Variants in ADCY8 observed in about 807,000 individuals in gnomAD.
ADCY8 encodes adenylate cyclase 8.
A neutral mutation model predicts 119.7 loss-of-function variants in ADCY8; 51 were observed. That is an observed-to-expected ratio of 0.43 (90% CI 0.34 to 0.54). The LOEUF is 0.54. ADCY8 is among the 20% of genes least tolerant of loss of function. The probability of loss-of-function intolerance (pLI) is 0.03; values close to 1 mark genes in which losing one functional copy is unlikely to be tolerated. For missense variants in ADCY8, 1,383 were observed against 1,598.8 expected, an observed-to-expected ratio of 0.87 and a Z score of 2.30; for synonymous variants, 665 against 651.0, an observed-to-expected ratio of 1.02 and a Z score of -0.33.
intron 1 of ADCY8, among the ~76,000 whole-genome samples, chr8:131,020,113 C>T (rs1247206414): frequency 1.3e-5 from 2 of 152,010 alleles, no homozygotes; most frequent in Non-Finnish European, 2.9e-5. Context: ...TGAAGATTAC[C>T]ACTACCTGAG....
chr8:131,028,434 T>G (rs911875452), intron 1 of ADCY8, among the ~76,000 whole-genome samples: 2 of 152,144 alleles, frequency 1.3e-5, no homozygotes, highest in Non-Finnish European at 2.9e-5. Flanking sequence ...TCAAATGAAC[T>G]ACCCGCCTCC....
At chr8:130,854,934 C>T (rs1318483912) in intron 9 of ADCY8, among the ~76,000 whole-genome samples, 1 of 146,780 alleles carries the variant, frequency 6.8e-6, no homozygotes, top group Admixed American at 6.8e-5. Context: ...TCTGCCTCCC[C>T]CTCTCTCTTT....
chr8:130,942,869 G>A (rs901799891), intron 4 of ADCY8, among the ~76,000 whole-genome samples: 1 of 152,220 alleles, frequency 6.6e-6, no homozygotes, highest in African/African-American at 2.4e-5. Context: ...TGAAGGTACT[G>A]TCTTGTTGGC....
At chr8:130,818,968 A>G (rs191835590) in intron 13 of ADCY8, among the ~76,000 whole-genome samples, 18 of 152,352 alleles carry the variant, frequency 1.2e-4, no homozygotes, top group African/African-American at 4.1e-4. Context: ...TTTTGTCATC[A>G]GCTTATTTTT....
At chr8:130,847,078 G>A (rs886788681) in intron 11 of ADCY8, among the ~76,000 whole-genome samples, 33 of 151,590 alleles carry the variant, frequency 2.2e-4, no homozygotes, top group Non-Finnish European at 4.7e-4. Context: ...AAATAAGCTA[G>A]GAGAAATGCA....
intron 13 of ADCY8, among the ~76,000 whole-genome samples, chr8:130,814,864 C>A (rs1475920187): frequency 6.6e-6 from 1 of 152,160 alleles, no homozygotes; most frequent in Non-Finnish European, 1.5e-5. Context: ...TGGGTGGGAA[C>A]ACAGCCAAAC....
chr8:130,900,098 G>C (rs1177567020), intron 7 of ADCY8, among the ~76,000 whole-genome samples: 1 of 152,180 alleles, frequency 6.6e-6, no homozygotes, highest in East Asian at 1.9e-4. Context: ...GGAAACCAAG[G>C]CATCAAATTA....
intron 14 of ADCY8, among the ~76,000 whole-genome samples, chr8:130,805,161 G>A (rs976247733): frequency 1.3e-5 from 2 of 152,126 alleles, no homozygotes; most frequent in Non-Finnish European, 2.9e-5. Flanking sequence ...CTTACTATGT[G>A]CCAAGCACAA....
rs116357531 is a variant in ADCY8, at chr8:130,921,876, A to G, written c.1482-12010T>C. On this transcript the variant is annotated intron_variant, in intron 5 of 17. Coordinates refer to ENST00000286355, the MANE Select transcript of ADCY8 (RefSeq NM_001115.3). Reference sequence around the variant, plus strand: ...TGTCCCACATATTTCATGTATTAGAAAGTCTCCAAGTGGCAGTATTGAAAG... The same window carrying G: ...TGTCCCACATATTTCATGTATTAGAGAGTCTCCAAGTGGCAGTATTGAAAG... Among the ~76,000 whole-genome samples the G allele has an allele frequency of 8.1e-3, 1,227 of 152,282 alleles. 9 individuals are homozygous for G. Among genetic ancestry groups the G allele is most frequent in the African/African-American group, 0.028 (1,163 of 41,552 alleles).
intron 1 of ADCY8, among the ~76,000 whole-genome samples, chr8:131,006,373 A>G (rs2130771810): frequency 6.6e-6 from 1 of 152,270 alleles, no homozygotes; most frequent in Non-Finnish European, 1.5e-5. Flanking sequence ...AGAGGCACTG[A>G]AGAGGCACCA....
chr8:130,891,024 A>C (rs760750685), intron 7 of ADCY8, among the ~76,000 whole-genome samples: 14 of 152,130 alleles, frequency 9.2e-5, no homozygotes, highest in Non-Finnish European at 1.6e-4. Flanking sequence ...TCATGCTGAG[A>C]TGTCCTAACC....
chr8:130,812,917 A>C (rs1816213861), intron 14 of ADCY8, among the ~76,000 whole-genome samples: 1 of 151,966 alleles, frequency 6.6e-6, no homozygotes, highest in Admixed American at 6.6e-5. Context: ...AATTGTGGTA[A>C]AATGCATATA....
chr8:130,976,529 C>G (rs1292172680), intron 2 of ADCY8, among the ~76,000 whole-genome samples: 1 of 152,180 alleles, frequency 6.6e-6, no homozygotes, highest in Non-Finnish European at 1.5e-5. Context: ...TGAACACCAT[C>G]ATCTACATAG....
At chr8:130,837,052 C>T (rs1817010864) in intron 11 of ADCY8, among the ~76,000 whole-genome samples, 1 of 152,076 alleles carries the variant, frequency 6.6e-6, no homozygotes, top group Admixed American at 6.6e-5. Flanking sequence ...TTTAATAGAT[C>T]TTCCCTTCAG....
At chr8:130,807,800 C>T (rs55762052) in intron 14 of ADCY8, among the ~76,000 whole-genome samples, 44,331 of 149,004 alleles carry the variant, frequency 0.3, 7,002 homozygotes, top group Middle Eastern at 0.41. Context: ...CCGGCTAAAA[C>T]GGTGAAACCC....
At chr8:130,881,098 G>T (rs1379265277) in intron 8 of ADCY8, among the ~76,000 whole-genome samples, 4 of 152,136 alleles carry the variant, frequency 2.6e-5, no homozygotes, top group Non-Finnish European at 5.9e-5. Context: ...GTTCTCTGCT[G>T]AAACTCCACT....
At chr8:130,787,624 A>G (rs557484477) in intron 15 of ADCY8, among the ~76,000 whole-genome samples, 1 of 152,250 alleles carries the variant, frequency 6.6e-6, no homozygotes, top group Non-Finnish European at 1.5e-5. Flanking sequence ...TGATGTGTGT[A>G]TGTCTACATG....
chr8:130,804,837 C>A (rs1366808186), intron 14 of ADCY8, among the ~76,000 whole-genome samples: 1 of 152,198 alleles, frequency 6.6e-6, no homozygotes, highest in East Asian at 1.9e-4. Flanking sequence ...ACCTCCACCT[C>A]CTGGGTTCAA....
intron 12 of ADCY8, among the ~76,000 whole-genome samples, chr8:130,827,438 A>G (rs573664053): frequency 6.6e-6 from 1 of 152,160 alleles, no homozygotes. Flanking sequence ...AGCTTTCCCC[A>G]TGCTCTATGT....
Sources: allele counts gnomAD v4.1 joint callset (sites outside exome capture counted in the v4.1 genomes callset), GRCh38; gene constraint gnomAD v4.1.1; transcripts MANE v1.5; gene names NCBI Gene and HGNC (gene_info 2026-07-23, HGNC 2026-07-21).